Variants in FGF12 observed in about 807,000 individuals in gnomAD.
FGF12 encodes fibroblast growth factor 12, also known as fibroblast growth factor 12B.
Under a neutral mutation model 23.6 loss-of-function variants are expected in FGF12, and 14 were observed. The ratio of observed to expected loss-of-function variants is 0.59; its 90% CI spans 0.39 to 0.93. The LOEUF is 0.93. Ranked by LOEUF, FGF12 falls within the 40% of genes least tolerant of loss-of-function variation. The pLI, the probability that FGF12 is intolerant of heterozygous loss-of-function variation, is 0.00. For synonymous variants in FGF12, 62 were observed against 77.3 expected (o/e 0.80, Z 1.04); for missense variants, 175 against 217.8 (o/e 0.80, Z 1.24).
At chr3:192,662,072 CCA>C (rs1209100741) in intron 2 of FGF12, among the ~76,000 whole-genome samples, 1 of 152,106 alleles carries the variant, frequency 6.6e-6, no homozygotes, top group Admixed American at 6.5e-5. Flanking sequence ...ACTCCATATT[CCA>C]CAGTCTTCAT....
chr3:192,205,373 A>T (rs913945712), intron 4 of FGF12, among the ~76,000 whole-genome samples: 70 of 152,166 alleles, frequency 4.6e-4, no homozygotes, highest in African/African-American at 1.7e-3. Context: ...TTAATATAAG[A>T]AAAGGATGAG....
At chr3:192,718,511 G>A (rs1463815609) in intron 2 of FGF12, among the ~76,000 whole-genome samples, 1 of 152,060 alleles carries the variant, frequency 6.6e-6, no homozygotes, top group Admixed American at 6.6e-5. Context: ...ATCCACTCTT[G>A]TTTTGCAGAT....
chr3:192,308,521 TA>T (rs1323566147), intron 4 of FGF12, among the ~76,000 whole-genome samples: 1 of 151,632 alleles, frequency 6.6e-6, no homozygotes, highest in East Asian at 1.9e-4. Flanking sequence ...CTACTAAAAA[TA>T]CAAAAAAATT....
chr3:192,603,873 T>C (rs1714225993), intron 2 of FGF12, among the ~76,000 whole-genome samples: 1 of 152,152 alleles, frequency 6.6e-6, no homozygotes, highest in Non-Finnish European at 1.5e-5. Flanking sequence ...AGAACTGGTC[T>C]GACCAAAAAT....
intron 2 of FGF12, among the ~76,000 whole-genome samples, chr3:192,562,251 T>A (rs891899963): frequency 6.6e-6 from 1 of 152,200 alleles, no homozygotes; most frequent in Non-Finnish European, 1.5e-5. Context: ...GGGAAGAGAC[T>A]GACTGGAAGG....
Position 192,208,124 on chromosome 3 carries a change from G to GAT in FGF12, c.229-37470_229-37469dup, listed in dbSNP as rs1334366798. ...CGGAGAAAGTCAAGAAAATCCTAAA[G>GAT]ATGTACTTTCAAGTGTTCTTATTAA... is the stretch of plus-strand genomic sequence containing the variant. On this transcript the variant is annotated intron_variant, in intron 4 of 5. Transcript: ENST00000445105. Among the ~76,000 whole-genome samples the GAT allele has an allele frequency of 1.1e-4, 16 of 152,270 alleles. 2 individuals carry two copies. Among genetic ancestry groups the GAT allele is most frequent in the African/African-American group, 1.4e-4 (6 of 41,560 alleles).
rs558131669 is a variant in FGF12 at position 192,669,013 on chromosome 3, T to G, written c.13+58168A>C. Reference sequence around the variant, plus strand: ...AAACGTGAAACACAAATAAATATGCTCTAATATGTTTCATAGGTATTTTAA... The same window carrying G: ...AAACGTGAAACACAAATAAATATGCGCTAATATGTTTCATAGGTATTTTAA... On this transcript the variant is annotated intron_variant, in intron 2 of 5. Coordinates refer to ENST00000445105, the MANE Select transcript of FGF12 (RefSeq NM_004113.6). 1.4e-4 allele frequency among the ~76,000 whole-genome samples: 21 copies of G among 152,230 alleles called. No individual in the cohort carries two copies. The South Asian group carries it at 4.4e-3, about 32-fold the overall frequency.
intron 2 of FGF12, among the ~76,000 whole-genome samples, chr3:192,574,310 T>C (rs1489538492): frequency 6.6e-6 from 1 of 152,216 alleles, no homozygotes; most frequent in Non-Finnish European, 1.5e-5. Context: ...AAGCCTGCTA[T>C]ATAATGAAGC....
chr3:192,394,087 C>T (rs1211447912), intron 2 of FGF12, among the ~76,000 whole-genome samples: 1 of 152,164 alleles, frequency 6.6e-6, no homozygotes, highest in East Asian at 1.9e-4. Context: ...AAATAAGTCT[C>T]CAGCTTTCAC....
At chr3:192,619,663 A>G (rs1714898260) in intron 2 of FGF12, among the ~76,000 whole-genome samples, 1 of 152,182 alleles carries the variant, frequency 6.6e-6, no homozygotes, top group African/African-American at 2.4e-5. Context: ...GACACTCTCT[A>G]TGGGAAGTTC....
chr3:192,365,825 A>G (rs1917789), intron 2 of FGF12, among the ~76,000 whole-genome samples: 95,207 of 151,660 alleles, frequency 0.63, 32,281 homozygotes, highest in East Asian at 0.93. Context: ...TAGTGCTATG[A>G]AGTATTTCCT....
intron 2 of FGF12, among the ~76,000 whole-genome samples, chr3:192,561,529 A>AT (rs1181668534): frequency 2.6e-5 from 4 of 151,970 alleles, no homozygotes; most frequent in African/African-American, 9.7e-5. Context: ...CGCCCAGCTA[A>AT]TTTTTTATAT....
At chr3:192,446,365 A>G (rs1194087473) in intron 2 of FGF12, among the ~76,000 whole-genome samples, 19 of 152,240 alleles carry the variant, frequency 1.2e-4, no homozygotes, top group Non-Finnish European at 2.6e-4. Flanking sequence ...ATAACAATAG[A>G]TGCAGGTTAA....
chr3:192,602,778 C>T (rs1358999419), intron 2 of FGF12, among the ~76,000 whole-genome samples: 1 of 149,802 alleles, frequency 6.7e-6, no homozygotes, highest in Non-Finnish European at 1.5e-5. Context: ...AAGATAAATG[C>T]AAAAATCCTC....
chr3:192,139,438 G>C lies in FGF12; in HGVS notation c.*4571C>G, dbSNP rs1713243757. ...GAAAAATGAAACATTAATTTGTTTA[G>C]TTTCTCATACAACATGTTTACTAAA... is the stretch of plus-strand genomic sequence containing the variant. On this transcript the variant is annotated 3_prime_UTR_variant, in exon 6 of 6. Transcript: ENST00000445105. 6.6e-6 allele frequency: 1 copy of C among 152,054 alleles called. No individual in the cohort carries two copies. The highest frequency in any genetic ancestry group is 2.4e-5 in the African/African-American group (1 of 41,410). The allele number at this position is 152,054 out of a possible 1,614,324, so 9.4% of individuals were successfully genotyped here. A position where few individuals can be genotyped will look rare whatever the true frequency, so the allele number is the denominator to read the frequency against.
chr3:192,487,207 C>A (rs1157553607), intron 2 of FGF12, among the ~76,000 whole-genome samples: 1 of 152,090 alleles, frequency 6.6e-6, no homozygotes, highest in African/African-American at 2.4e-5. Flanking sequence ...TTGGCTACAG[C>A]TAGATGCATT....
At chr3:192,203,137 G>T (rs1330823049) in intron 4 of FGF12, among the ~76,000 whole-genome samples, 1 of 140,832 alleles carries the variant, frequency 7.1e-6, no homozygotes, top group Non-Finnish European at 1.5e-5. Context: ...AAATATTTGT[G>T]TGTGTGTGTG....
chr3:192,421,634 C>A (rs1721530112), intron 2 of FGF12, among the ~76,000 whole-genome samples: 1 of 151,950 alleles, frequency 6.6e-6, no homozygotes, highest in Non-Finnish European at 1.5e-5. Context: ...AAAACATGGA[C>A]ATAGAGAGGG....
At chr3:192,465,906 T>C (rs1560119559) in intron 2 of FGF12, among the ~76,000 whole-genome samples, 2 of 152,224 alleles carry the variant, frequency 1.3e-5, no homozygotes, top group Non-Finnish European at 2.9e-5. Flanking sequence ...TTTTCCCCTA[T>C]TGATCCTGTT....
Sources: gnomAD v4.1 joint callset for allele counts (sites outside exome capture counted in the v4.1 genomes callset) on GRCh38, gnomAD v4.1.1 for gene constraint, MANE v1.5 for transcripts, NCBI Gene and HGNC (gene_info 2026-07-23, HGNC 2026-07-21) for gene names.